Variants in PCDHA4 observed in about 807,000 individuals in gnomAD.
The protein encoded by PCDHA4 is protocadherin alpha 4, also known as protocadherin alpha-4.
A neutral mutation model predicts 61.4 loss-of-function variants in PCDHA4; 49 were observed. The ratio of observed to expected loss-of-function variants is 0.80; its 90% CI spans 0.63 to 1.01. The LOEUF is 1.01. Ranked by LOEUF, PCDHA4 falls within the 50% of genes least tolerant of loss-of-function variation. The probability of loss-of-function intolerance (pLI) is 0.00; values close to 1 mark genes in which losing one functional copy is unlikely to be tolerated. For synonymous variants in PCDHA4, 590 were observed against 550.3 expected (o/e 1.07, Z -1.01); for missense variants, 1,254 against 1,235.8 (o/e 1.01, Z -0.22).
chr5:140,999,431 C>G (rs1554256799), intron 3 of PCDHA4, among the ~76,000 whole-genome samples: 1 of 152,134 alleles, frequency 6.6e-6, no homozygotes, highest in African/African-American at 2.4e-5. Context: ...GGCCAAGTAC[C>G]TTGCCTCTTA....
At chr5:141,005,437 C>T (rs1469007749) in intron 3 of PCDHA4, among the ~76,000 whole-genome samples, 4 of 152,092 alleles carry the variant, frequency 2.6e-5, no homozygotes, top group African/African-American at 7.2e-5. Context: ...GGATGAGAGG[C>T]TCACGCCTGT....
rs377081112 is a variant in PCDHA4 at position 140,871,063 on chromosome 5, G to C, written c.2385+61491G>C. On this transcript the variant is annotated intron_variant, in intron 1 of 3. Coordinates refer to ENST00000530339, the MANE Select transcript of PCDHA4 (RefSeq NM_018907.4). ...ACTTCTAGTACTGGTGAAGGATCAC[G>C]GTGAGCCGGCGCTGACGGCCACGGC... The C allele has an allele frequency of 2.7e-5, 43 of 1,613,154 alleles. 1 individual carries two copies. The South Asian group carries it at 4.5e-4, about 17-fold the overall frequency.
chr5:140,823,697 C>A, intron 1 of PCDHA4: 1 of 1,613,956 alleles, frequency 6.2e-7, no homozygotes, highest in Non-Finnish European at 8.5e-7. Flanking sequence ...GAGACCGAAG[C>A]ACCGCGCCAC....
chr5:140,809,581 A>G lies in PCDHA4; in HGVS notation c.2385+9A>G, dbSNP rs1764501177. On this transcript the variant is annotated intron_variant, in intron 1 of 3. Transcript: ENST00000530339. ...AGGAATCCTTTGCAAAGGTTAGTGT[A>G]TAACATCCTTTTGTTTAATTTTCGT... 1 of 1,552,852 alleles carries G rather than the reference A, an allele frequency of 6.4e-7. No homozygotes were observed. The highest frequency in any genetic ancestry group is 8.7e-7 in the Non-Finnish European group (1 of 1,148,464).
At position 140,884,483 on chromosome 5, in the gene PCDHA4, C is replaced by G. The variant is rs376374275; in HGVS notation, c.2385+74911C>G. The G allele has an allele frequency of 3.7e-6, 6 of 1,613,980 alleles. 1 individual carries two copies. In the South Asian group the frequency reaches 5.5e-5, roughly 15 times the overall value. On this transcript the variant is annotated intron_variant, in intron 1 of 3. Coordinates refer to ENST00000530339, the MANE Select transcript of PCDHA4 (RefSeq NM_018907.4). The stretch of plus-strand genomic sequence containing the variant: ...CGCGTGCGCGCCGGGCAAGCCCACT[C>G]TAGTGTGCTCCAGCGCGGCAGGGAG...
intron 1 of PCDHA4, chr5:140,871,085 CG>C: frequency 6.2e-7 from 1 of 1,613,246 alleles, no homozygotes. Context: ...CTGACGGCCA[CG>C]GCCACCGTGC....
In PCDHA4 at chr5:140,842,731, G is replaced by A. The variant is rs202126810; in HGVS notation, c.2385+33159G>A. Reference sequence around the variant, plus strand: ...TGTTCGTGAAGGAGAACAACCCGCCGGGCTGCCACATCTTCACGGTGTCTG... The same window carrying A: ...TGTTCGTGAAGGAGAACAACCCGCCAGGCTGCCACATCTTCACGGTGTCTG... On this transcript the variant is annotated intron_variant, in intron 1 of 3. Coordinates refer to ENST00000530339, the MANE Select transcript of PCDHA4 (RefSeq NM_018907.4). The A allele has an allele frequency of 1.1e-5, 17 of 1,594,938 alleles. 3 individuals are homozygous for A. The highest frequency in any genetic ancestry group is 5.1e-5 in the Admixed American group (3 of 59,276).
intron 1 of PCDHA4, chr5:140,848,452 T>C (rs1402263047): frequency 1.3e-6 from 2 of 1,520,140 alleles, no homozygotes; most frequent in Non-Finnish European, 1.8e-6. Flanking sequence ...TTCTTCTAAT[T>C]TGGAGGCAAT....
chr5:140,916,956 C>T (rs1554197714), intron 1 of PCDHA4, among the ~76,000 whole-genome samples: 1 of 152,220 alleles, frequency 6.6e-6, no homozygotes, highest in Non-Finnish European at 1.5e-5. Flanking sequence ...TTGCTGAGTT[C>T]TGACTGCTGG....
chr5:140,828,657 A>G (rs2150157690), intron 1 of PCDHA4: 3 of 1,614,090 alleles, frequency 1.9e-6, no homozygotes, highest in African/African-American at 2.7e-5. Flanking sequence ...AGTGATGACA[A>G]TAAACAAATT....
intron 1 of PCDHA4, chr5:140,871,484 A>T: frequency 6.3e-7 from 1 of 1,592,270 alleles, no homozygotes; most frequent in Non-Finnish European, 8.6e-7. Context: ...GGGTCAAATC[A>T]CCCCGGACAG....
At chr5:140,838,854 C>T (rs1775911734) in intron 1 of PCDHA4, among the ~76,000 whole-genome samples, 1 of 151,798 alleles carries the variant, frequency 6.6e-6, no homozygotes, top group African/African-American at 2.4e-5. Flanking sequence ...CCAGGGAGGT[C>T]CAAGCTGCAG....
At chr5:140,852,888 T>A in intron 1 of PCDHA4, 1 of 920,092 alleles carries the variant, frequency 1.1e-6, no homozygotes. Context: ...AAAACGTATT[T>A]TTTTTTTTGA....
chr5:140,871,292 CGT>C (rs781959716), intron 1 of PCDHA4: 2 of 1,613,890 alleles, frequency 1.2e-6, no homozygotes, highest in Non-Finnish European at 1.7e-6. Flanking sequence ...ACTGAGGGCG[CGT>C]GCGCGCCGGG....
chr5:140,997,834 C>T (rs1385482729), intron 3 of PCDHA4, among the ~76,000 whole-genome samples: 2 of 152,106 alleles, frequency 1.3e-5, no homozygotes, highest in Non-Finnish European at 2.9e-5. Context: ...CTAAACAATA[C>T]AATATACATT....
In PCDHA4 at chr5:140,835,249, T is replaced by TA. The variant is rs2150232715; in HGVS notation, c.2385+25681dup. ...TTCTCCAGTGATGTTTCTCCAGATA[T>TA]AAAATCCAAGTTCCACATGGACCCC... On this transcript the variant is annotated intron_variant, in intron 1 of 3. Transcript: ENST00000530339. 20 of 1,605,414 alleles carry TA rather than the reference T, an allele frequency of 1.2e-5. No homozygotes were observed. The South Asian group carries it at 1.7e-4, about 13-fold the overall frequency.
At chr5:140,968,480 A>G in intron 1 of PCDHA4, 1 of 1,614,140 alleles carries the variant, frequency 6.2e-7, no homozygotes. Flanking sequence ...TGTGGTGGAC[A>G]TGAATGACCA....
chr5:140,842,458 A>C (rs1777969478), intron 1 of PCDHA4: 1 of 1,613,788 alleles, frequency 6.2e-7, no homozygotes, highest in South Asian at 1.1e-5. Context: ...ACCTCGATTC[A>C]GGTGCCAACG....
chr5:140,910,519 G>A (rs187918127), intron 1 of PCDHA4, among the ~76,000 whole-genome samples: 18 of 152,218 alleles, frequency 1.2e-4, no homozygotes, highest in Non-Finnish European at 2.5e-4. Context: ...AAGGATGCAG[G>A]TACTCCCCTC....
Sources: allele counts gnomAD v4.1 joint callset (sites outside exome capture counted in the v4.1 genomes callset), GRCh38; gene constraint gnomAD v4.1.1; transcripts MANE v1.5; gene names NCBI Gene and HGNC (gene_info 2026-07-23, HGNC 2026-07-21).